Variants in ADM2 observed in about 807,000 individuals in gnomAD.
The protein encoded by ADM2 is protein ADM2.
A neutral mutation model predicts 7.1 loss-of-function variants in ADM2; 5 were observed. The ratio of observed to expected loss-of-function variants is 0.71; its 90% confidence interval spans 0.37 to 1.49. The LOEUF (loss-of-function observed/expected upper bound fraction) is 1.49. Ranked by LOEUF, ADM2 falls within the 40% of genes most tolerant of loss-of-function variation. The probability of loss-of-function intolerance (pLI) is 0.03; values close to 1 mark genes in which losing one functional copy is unlikely to be tolerated. For synonymous variants in ADM2, 123 were observed against 92.8 expected, an observed-to-expected ratio of 1.33 and a Z score of -1.87; for missense variants, 236 against 211.2, an observed-to-expected ratio of 1.12 and a Z score of -0.73.
chr22:50,482,567 G>C lies in ADM2; in HGVS notation c.111G>C (p.Arg37Ser), dbSNP rs549172771. 6.9e-7 allele frequency: 1 copy of C among 1,455,850 alleles called. No individual in the cohort carries two copies. The highest frequency in any genetic ancestry group is 2.5e-5 in the East Asian group (1 of 40,236). The allele number at this position is 1,455,850 out of a possible 1,614,324, so 90.2% of individuals were successfully genotyped here. ...LGGDPRPVKP[R>S]EPPARSPSSS... is the part of the protein sequence containing the mutation. ...TGACATTCTCCATCTGCCTCTGCAGGGAGCCCCCAGCCCGGAGCCCTTCCA... is the reference window on the plus strand; with the variant it reads ...TGACATTCTCCATCTGCCTCTGCAGCGAGCCCCCAGCCCGGAGCCCTTCCA... The change falls in exon 3 of 3, where the codon AGG becomes AGC. Residue 37 changes from arginine to serine, a missense_variant and splice_region_variant. By Grantham distance (110) the Arg-to-Ser change is moderately radical. Transcript: ENST00000395737.
chr22:50,482,009 G>T, intron 2 of ADM2, 52 bp downstream of exon 2: 6 of 1,490,158 alleles, frequency 4.0e-6, no homozygotes, highest in East Asian at 2.7e-5. Context: ...CAGGGAAGCA[G>T]AGTGCCGGGG....
In ADM2 at chr22:50,481,990, T is replaced by C. The variant is rs551709023; in HGVS notation, c.110+33T>C. On this transcript the variant is annotated intron_variant, in intron 2 of 2. Transcript: ENST00000395737. ...CAGGTCTTGGGCCAGCCAACCCCTCTGGCCCCCGCAGGGAAGCAGAGTGCC... is the reference window on the plus strand; with the variant it reads ...CAGGTCTTGGGCCAGCCAACCCCTCCGGCCCCCGCAGGGAAGCAGAGTGCC... The C allele has an allele frequency of 8.6e-6, 13 of 1,517,068 alleles. No homozygotes were observed. In the South Asian group the frequency reaches 9.7e-5, roughly 11 times the overall value. The allele number at this position is 1,517,068 out of a possible 1,614,324, so 94.0% of individuals were successfully genotyped here.
chr22:50,482,620 C>T lies in ADM2; in HGVS notation c.164C>T (p.Pro55Leu). Residue 55 changes from proline to leucine, a missense_variant, in exon 3 of 3, where the codon CCC (proline) becomes CTC (leucine). Transcript: ENST00000395737. ...SSSLQPRHPA[P>L]RPVVWKLHRA... The stretch of plus-strand genomic sequence containing the variant: ...AGCCTGCAGCCCAGGCACCCCGCAC[C>T]CCGACCTGTGGTCTGGAAGCTTCAC... 1 of 1,509,712 alleles carries T rather than the reference C, an allele frequency of 6.6e-7. No individual in the cohort carries two copies. Among genetic ancestry groups the T allele is most frequent in the Non-Finnish European group, 8.9e-7 (1 of 1,127,710 alleles). The allele number at this position is 1,509,712 out of a possible 1,614,324, so 93.5% of individuals were successfully genotyped here. A position where few individuals can be genotyped will look rare whatever the true frequency, so the allele number is the denominator to read the frequency against.
rs183410750 is a variant in ADM2 at position 50,482,700 on chromosome 22, C to T, written c.244C>T (p.Leu82Phe). The T allele has an allele frequency of 7.3e-5, 118 of 1,605,722 alleles. 1 individual carries two copies. The African/African-American group carries it at 1.3e-3, about 17-fold the overall frequency. Residue 82 changes from leucine (L) to phenylalanine (F), a missense_variant, in exon 3 of 3, where the codon CTC becomes TTC. Transcript: ENST00000395737. ...AGLAPVMGQP[L>F]RDGGRQHSGP... ...CCTGGCCCCTGTTATGGGTCAGCCT[C>T]TCCGGGATGGTGGCCGCCAACACTC...
In ADM2 at chr22:50,484,316, A is replaced by T. The variant is rs1410620116; in HGVS notation, c.*1413A>T. On this transcript the variant is annotated 3_prime_UTR_variant, in exon 3 of 3. Transcript: ENST00000395737. ...GATTGCAGCAAAGGTGGTCAGGGTG[A>T]TGGGCCGCACAGCGAGGCAGTCAAG... 1 of 152,814 alleles carries T rather than the reference A, an allele frequency of 6.5e-6. No individual in the cohort carries two copies. Among genetic ancestry groups the T allele is most frequent in the African/African-American group, 2.4e-5 (1 of 41,452 alleles). The allele number at this position is 152,814 out of a possible 1,614,324, so 9.5% of individuals were successfully genotyped here. A position where few individuals can be genotyped will look rare whatever the true frequency, so the allele number is the denominator to read the frequency against.
rs1603437182 is a variant in ADM2, at chr22:50,485,365, C to T, written c.*2462C>T. Reference sequence around the variant, plus strand: ...CCGTTTCAAAAAAAAAAAACCTCCTCTCTTCCTTCACACCTTCCTCTGAAT... The same window carrying T: ...CCGTTTCAAAAAAAAAAAACCTCCTTTCTTCCTTCACACCTTCCTCTGAAT... On this transcript the variant is annotated 3_prime_UTR_variant, in exon 3 of 3. Transcript: ENST00000395737. The T allele has an allele frequency of 1.3e-5, 2 of 152,248 alleles. No individual in the cohort carries two copies. Among genetic ancestry groups the T allele is most frequent in the South Asian group, 2.1e-4 (1 of 4,836 alleles). 9.4% of individuals were successfully genotyped at this position (152,248 alleles called of 1,614,324 possible).
rs780311655 is a variant in ADM2, at chr22:50,483,126, G to C, written c.*223G>C. On this transcript the variant is annotated 3_prime_UTR_variant, in exon 3 of 3. Coordinates refer to ENST00000395737, the MANE Select transcript of ADM2 (RefSeq NM_001253845.2). ...ACCCTGAAATTGTGACCCCCTGGGGGACAGCTGCCAGACACAGCTGGCGGC... is the reference window on the plus strand; with the variant it reads ...ACCCTGAAATTGTGACCCCCTGGGGCACAGCTGCCAGACACAGCTGGCGGC... The C allele has an allele frequency of 2.5e-5, 20 of 788,464 alleles. No individual in the cohort carries two copies. The highest frequency in any genetic ancestry group is 4.4e-4 in the Middle Eastern group (2 of 4,512). 48.8% of individuals were successfully genotyped at this position (788,464 alleles called of 1,614,324 possible). A position where few individuals can be genotyped will look rare whatever the true frequency, so the allele number is the denominator to read the frequency against.
At position 50,482,897 on chromosome 22, in the gene ADM2, T is replaced by C; in HGVS notation, c.441T>C (p.Tyr147=). ...APVDPSSPHS[Y]G ...TGGACCCCAGCAGCCCCCACAGCTA[T>C]GGCTGAGGTGGGGCCGGGCCACACC... Residue 147 remains tyrosine (Y), a synonymous_variant, in exon 3 of 3, where the codon TAT becomes TAC. Coordinates refer to ENST00000395737, the MANE Select transcript of ADM2 (RefSeq NM_001253845.2). The C allele has an allele frequency of 6.3e-7, 1 of 1,589,010 alleles. No individual in the cohort carries two copies. Among genetic ancestry groups the C allele is most frequent in the Non-Finnish European group, 8.5e-7 (1 of 1,172,932 alleles).
Position 50,481,775 on chromosome 22 carries a change from G to A in ADM2, c.-12+12G>A. 9.3e-7 allele frequency: 1 copy of A among 1,070,762 alleles called. No individual in the cohort carries two copies. Among genetic ancestry groups the A allele is most frequent in the Non-Finnish European group, 1.3e-6 (1 of 792,310 alleles). 66.3% of individuals were successfully genotyped at this position (1,070,762 alleles called of 1,614,324 possible). ...GAGGACTCCCCGAGGTGCCGGCGGA[G>A]GGGGTGGCTCGCGGCTCAGGCTGCC... On this transcript the variant is annotated intron_variant, in intron 1 of 2. Coordinates refer to ENST00000395737, the MANE Select transcript of ADM2 (RefSeq NM_001253845.2).
At chr22:50,482,068 C>T in intron 2 of ADM2, 111 bp downstream of exon 2, 1 of 1,030,622 alleles carries the variant, frequency 9.7e-7, no homozygotes, top group East Asian at 3.0e-5. Flanking sequence ...CTAGGACTCC[C>T]CTCCCAAACA....
At position 50,485,980 on chromosome 22, in the gene ADM2, A is replaced by G. The variant is rs1210231932; in HGVS notation, c.*3077A>G. ...TCCTCCATGCCTGCAGGGCCCATGC[A>G]TGGGAAGTTGCGTTGGCGGCCTGGG... On this transcript the variant is annotated 3_prime_UTR_variant, in exon 3 of 3. Transcript: ENST00000395737. The G allele has an allele frequency of 6.6e-6, 1 of 152,174 alleles. No homozygotes were observed. Among genetic ancestry groups the G allele is most frequent in the Non-Finnish European group, 1.5e-5 (1 of 68,074 alleles). The allele number at this position is 152,174 out of a possible 1,614,324, so 9.4% of individuals were successfully genotyped here.
intron 2 of ADM2, 28 bp downstream of exon 2, chr22:50,481,985 C>T (rs1295035806): frequency 1.3e-6 from 2 of 1,516,316 alleles, no homozygotes; most frequent in Non-Finnish European, 1.8e-6. Context: ...GCCAGCCAAC[C>T]CCTCTGGCCC....
chr22:50,481,854 C>A lies in ADM2; in HGVS notation c.7C>A (p.Arg3=). 2.7e-6 allele frequency: 4 copies of A among 1,504,746 alleles called. No homozygotes were observed. The highest frequency in any genetic ancestry group is 2.6e-6 in the Non-Finnish European group (3 of 1,132,816). The allele number at this position is 1,504,746 out of a possible 1,614,324, so 93.2% of individuals were successfully genotyped here. MA[R]IPTAALGCIS... ...CCCTGCAGCCCCGCCCGCCATGGCC[C>A]GGATCCCGACGGCCGCCCTGGGTTG... Residue 3 remains arginine, a synonymous_variant, in exon 2 of 3, where the codon CGG becomes AGG. Coordinates refer to ENST00000395737, the MANE Select transcript of ADM2 (RefSeq NM_001253845.2).
In ADM2 at chr22:50,481,868, C is replaced by T; in HGVS notation, c.21C>T (p.Ala7=). ...CCGCCATGGCCCGGATCCCGACGGC[C>T]GCCCTGGGTTGCATCAGCCTCCTCT... MARIPT[A]ALGCISLLCL... is the part of the protein sequence containing the mutation. Residue 7 remains alanine, a synonymous_variant, in exon 2 of 3, where the codon GCC becomes GCT. Transcript: ENST00000395737. The T allele has an allele frequency of 2.6e-6, 4 of 1,509,492 alleles. No homozygotes were observed. The South Asian group carries it at 3.7e-5, about 14-fold the overall frequency. 93.5% of individuals were successfully genotyped at this position (1,509,492 alleles called of 1,614,324 possible).
chr22:50,482,415 G>C lies in ADM2; in HGVS notation c.111-152G>C, dbSNP rs994755302. The C allele has an allele frequency of 3.1e-6, 4 of 1,305,850 alleles. No homozygotes were observed. In the African/African-American group the frequency reaches 6.1e-5, roughly 20 times the overall value. The allele number at this position is 1,305,850 out of a possible 1,614,324, so 80.9% of individuals were successfully genotyped here. A position where few individuals can be genotyped will look rare whatever the true frequency, so the allele number is the denominator to read the frequency against. The stretch of plus-strand genomic sequence containing the variant: ...AGGCCCAAGCCCAGAGGGGACGCGG[G>C]CTTCCCCTGGCCGTGCTCCAGGCTG... On this transcript the variant is annotated intron_variant, in intron 2 of 2. Transcript: ENST00000395737.
At position 50,482,933 on chromosome 22, in the gene ADM2, C is replaced by A. The variant is rs1160071527; in HGVS notation, c.*30C>A. 6.4e-7 allele frequency: 1 copy of A among 1,559,404 alleles called. No homozygotes were observed. The highest frequency in any genetic ancestry group is 2.4e-5 in the East Asian group (1 of 42,412). The stretch of plus-strand genomic sequence containing the variant: ...GGGCCGGGCCACACCCCTGCCCATC[C>A]CAGCCAGGGTGCTGTGCCCCCGTCC... On this transcript the variant is annotated 3_prime_UTR_variant, in exon 3 of 3. Coordinates refer to ENST00000395737, the MANE Select transcript of ADM2 (RefSeq NM_001253845.2).
intron 2 of ADM2, 112 bp downstream of exon 2, chr22:50,482,069 C>G: frequency 2.0e-6 from 2 of 1,025,498 alleles, no homozygotes; most frequent in East Asian, 3.1e-5. Flanking sequence ...TAGGACTCCC[C>G]TCCCAAACAA....
chr22:50,483,168 C>T lies in ADM2; in HGVS notation c.*265C>T, dbSNP rs112907082. The T allele has an allele frequency of 6.0e-3, 4,064 of 673,866 alleles. 139 individuals are homozygous for T. In the African/African-American group the frequency reaches 0.063, roughly 11 times the overall value. The allele number at this position is 673,866 out of a possible 1,614,324, so 41.7% of individuals were successfully genotyped here. On this transcript the variant is annotated 3_prime_UTR_variant, in exon 3 of 3. Transcript: ENST00000395737. ...GCTGGCGGCAGCACCAGATGCTAAGCGCTTCAGAGAGGAGGTGTCTGCCCA... is the reference window on the plus strand; with the variant it reads ...GCTGGCGGCAGCACCAGATGCTAAGTGCTTCAGAGAGGAGGTGTCTGCCCA...
chr22:50,482,950 C>CT lies in ADM2; in HGVS notation c.*47_*48insT. The stretch of plus-strand genomic sequence containing the variant: ...TGCCCATCCCAGCCAGGGTGCTGTG[C>CT]CCCCGTCCAGAGCTGCAGCTGAGCC... On this transcript the variant is annotated 3_prime_UTR_variant, in exon 3 of 3. Coordinates refer to ENST00000395737, the MANE Select transcript of ADM2 (RefSeq NM_001253845.2). 1.3e-6 allele frequency: 2 copies of CT among 1,544,032 alleles called. No individual in the cohort carries two copies. The highest frequency in any genetic ancestry group is 1.7e-6 in the Non-Finnish European group (2 of 1,150,218).
Sources: allele counts gnomAD v4.1 joint callset, GRCh38; gene constraint gnomAD v4.1.1; transcripts MANE v1.5; gene names NCBI Gene and HGNC (gene_info 2026-07-23, HGNC 2026-07-21).